The following RELN variants were observed in gnomAD, a reference collection of about 807,000 sequenced individuals.
The protein encoded by RELN is reelin.
Under a neutral mutation model 427.6 loss-of-function variants are expected in RELN, and 108 were observed. The observed-to-expected ratio is 0.25, with a 90% confidence interval of 0.22 to 0.30. RELN has a LOEUF of 0.30. RELN is among the 10% of genes least tolerant of loss of function. The probability of loss-of-function intolerance (pLI) is 1.00; values close to 1 mark genes in which losing one functional copy is unlikely to be tolerated. For missense variants in RELN, 3,715 were observed against 4,302.8 expected (o/e 0.86, Z 3.82); for synonymous variants, 1,524 against 1,513.4 (o/e 1.01, Z -0.16).
intron 3 of RELN, among the ~76,000 whole-genome samples, chr7:103,821,375 T>C (rs764792345): frequency 3.0e-4 from 46 of 152,140 alleles, no homozygotes; most frequent in Non-Finnish European, 5.4e-4. Context: ...TTATCACATA[T>C]TACAAAAGGC....
intron 3 of RELN, among the ~76,000 whole-genome samples, chr7:103,788,692 A>C (rs559663999): frequency 6.6e-6 from 1 of 152,352 alleles, no homozygotes; most frequent in Non-Finnish European, 1.5e-5. Context: ...AAGAGAGGAC[A>C]CAAACAAATG....
intron 28 of RELN, among the ~76,000 whole-genome samples, chr7:103,585,936 C>T (rs1466832795): frequency 6.6e-6 from 1 of 152,076 alleles, no homozygotes; most frequent in Non-Finnish European, 1.5e-5. Context: ...ACCACATAAA[C>T]AGAACTAAAA....
intron 28 of RELN, 30 bp downstream of exon 28, chr7:103,589,566 G>A (rs1233555987): frequency 1.4e-6 from 2 of 1,464,402 alleles, no homozygotes; most frequent in Admixed American, 1.7e-5. Context: ...TTTCTTAATG[G>A]CCCAAACCCA....
chr7:103,974,874 G>A (rs999885204), intron 1 of RELN, among the ~76,000 whole-genome samples: 3 of 152,126 alleles, frequency 2.0e-5, no homozygotes, highest in Non-Finnish European at 4.4e-5. Context: ...TTTATTTATG[G>A]CGCAGCATAG....
chr7:103,699,459 G>A (rs1238688931), intron 9 of RELN, among the ~76,000 whole-genome samples: 2 of 152,066 alleles, frequency 1.3e-5, no homozygotes, highest in East Asian at 3.9e-4. Context: ...CACTGGTAAG[G>A]GAAATTTGCA....
chr7:103,592,231 C>T (rs528579888), intron 27 of RELN, among the ~76,000 whole-genome samples: 1 of 151,302 alleles, frequency 6.6e-6, no homozygotes, highest in Non-Finnish European at 1.5e-5. Flanking sequence ...TGCTGTTCCC[C>T]TACGTGTCCA....
intron 6 of RELN, among the ~76,000 whole-genome samples, chr7:103,746,158 C>A (rs575772116): frequency 6.8e-4 from 103 of 152,150 alleles, no homozygotes; most frequent in Non-Finnish European, 1.1e-3. Context: ...CAAAAACAAG[C>A]AATGGGGAAA....
At chr7:103,533,594 T>C (rs951574312) in intron 46 of RELN, among the ~76,000 whole-genome samples, 1 of 152,178 alleles carries the variant, frequency 6.6e-6, no homozygotes, top group African/African-American at 2.4e-5. Context: ...CAATTGTACA[T>C]GAGCCTTGAG....
chr7:103,788,779 A>G lies in RELN; in HGVS notation c.474-12152T>C, dbSNP rs542147652. Among the ~76,000 whole-genome samples the G allele has an allele frequency of 5.3e-5, 8 of 152,354 alleles. No homozygotes were observed. In the East Asian group the frequency reaches 7.7e-4, roughly 15 times the overall value. On this transcript the variant is annotated intron_variant, in intron 3 of 64. Transcript: ENST00000428762. ...CTGCCCAAAGTAATTTATAGATTCA[A>G]TGCTATCCCCATCAAGTTACTATTG...
At chr7:103,810,974 T>C (rs1031009998) in intron 3 of RELN, among the ~76,000 whole-genome samples, 5 of 152,222 alleles carry the variant, frequency 3.3e-5, no homozygotes, top group African/African-American at 9.6e-5. Context: ...CATTTTCCCA[T>C]AGTTACTTAA....
chr7:103,532,405 C>T (rs28671392), intron 46 of RELN, among the ~76,000 whole-genome samples: 9,337 of 151,956 alleles, frequency 0.061, 394 homozygotes, highest in South Asian at 0.15. Context: ...CACATGTTTA[C>T]CTATGTAACA....
At chr7:103,745,576 T>C (rs1436432925) in intron 6 of RELN, among the ~76,000 whole-genome samples, 1 of 151,246 alleles carries the variant, frequency 6.6e-6, no homozygotes, top group Non-Finnish European at 1.5e-5. Context: ...AGTCTCAGGA[T>C]ACAAAATCAA....
At chr7:103,527,233 A>G (rs765168296) in intron 46 of RELN, among the ~76,000 whole-genome samples, 23 of 152,196 alleles carry the variant, frequency 1.5e-4, no homozygotes, top group Non-Finnish European at 2.8e-4. Flanking sequence ...TCATCGTGAG[A>G]AAAAGCCCTT....
intron 11 of RELN, among the ~76,000 whole-genome samples, chr7:103,664,288 T>C (rs1833209488): frequency 6.6e-6 from 1 of 152,224 alleles, no homozygotes; most frequent in Non-Finnish European, 1.5e-5. Context: ...TCCTTGTGTG[T>C]TTACATATGC....
rs1830563554 is a variant in RELN, at chr7:103,558,030, A to G, written c.5549T>C (p.Ile1850Thr). The change falls in exon 37 of 65, where the codon ATT (isoleucine) becomes ACT (threonine). Residue 1850 changes from isoleucine to threonine, a missense_variant. This residue lies in a region of RELN where 2,208 missense variants were observed against 2,361.7 expected (regional missense o/e 0.93). Transcript: ENST00000428762. ...ATTTGTACAATCTAGATCTCTTGAA[A>G]TAAGCATCCTTAGTCCTTCCTGAAA... ...IFKGEGLRML[I>T]SRDLDCTNTM... is the part of the protein sequence containing the mutation. The G allele has an allele frequency of 1.3e-6, 2 of 1,523,756 alleles. No individual in the cohort carries two copies. The highest frequency in any genetic ancestry group is 1.8e-6 in the Non-Finnish European group (2 of 1,098,082). 94.4% of individuals were successfully genotyped at this position (1,523,756 alleles called of 1,614,324 possible).
intron 60 of RELN, among the ~76,000 whole-genome samples, chr7:103,488,795 A>C (rs1053717259): frequency 6.6e-6 from 1 of 152,188 alleles, no homozygotes; most frequent in African/African-American, 2.4e-5. Flanking sequence ...CCTGAGTCTC[A>C]GTTTCTTTGC....
intron 2 of RELN, among the ~76,000 whole-genome samples, chr7:103,856,028 G>T (rs1793936157): frequency 6.6e-6 from 1 of 152,190 alleles, no homozygotes. Context: ...CCAAGGAACT[G>T]CAGTGTTCCT....
intron 20 of RELN, among the ~76,000 whole-genome samples, chr7:103,616,702 T>C (rs1832088525): frequency 6.6e-6 from 1 of 152,164 alleles, no homozygotes. Flanking sequence ...TCATAATAAA[T>C]ATGCTTTACT....
intron 50 of RELN, among the ~76,000 whole-genome samples, 193 bp from the exon 51 acceptor site, chr7:103,511,198 TTGTC>T (rs1562862754): frequency 6.6e-6 from 1 of 152,206 alleles, no homozygotes; most frequent in Non-Finnish European, 1.5e-5. Context: ...TATATGCCCT[TTGTC>T]TGATATTAGT....
Sources: gnomAD v4.1 joint callset for allele counts (sites outside exome capture counted in the v4.1 genomes callset) on GRCh38, gnomAD v4.1.1 for gene constraint, gnomAD v4.1.1 regional missense constraint, MANE v1.5 for transcripts, NCBI Gene and HGNC (gene_info 2026-07-23, HGNC 2026-07-21) for gene names.